Variants in CCDC148 observed in about 807,000 individuals in gnomAD.
CCDC148 encodes the protein coiled-coil domain-containing protein 148.
A neutral mutation model predicts 85.7 loss-of-function variants in CCDC148; 89 were observed. That is an observed-to-expected ratio of 1.04 (90% CI 0.87 to 1.24). CCDC148 has a LOEUF of 1.24. CCDC148 is among the 50% of genes most tolerant of loss of function. The pLI is 0.00. For missense variants in CCDC148, 692 were observed against 671.7 expected (o/e 1.03, Z -0.33); for synonymous variants, 230 against 213.9 (o/e 1.08, Z -0.66).
intron 10 of CCDC148, among the ~76,000 whole-genome samples, chr2:158,240,864 T>C (rs116234259): frequency 0.012 from 1,814 of 152,258 alleles, 30 homozygotes; most frequent in African/African-American, 0.041. Flanking sequence ...ATAAACCCTA[T>C]TGGAGTCAGT....
chr2:158,223,356 A>AGGCCT (rs1444617898), intron 10 of CCDC148, among the ~76,000 whole-genome samples: 2 of 152,200 alleles, frequency 1.3e-5, no homozygotes, highest in Admixed American at 1.3e-4. Context: ...CAGCTCAAGG[A>AGGCCT]GGCCTGTCTG....
chr2:158,415,861 A>G (rs933619859), intron 1 of CCDC148, among the ~76,000 whole-genome samples: 1 of 152,102 alleles, frequency 6.6e-6, no homozygotes, highest in African/African-American at 2.4e-5. Flanking sequence ...CAGCTCCACT[A>G]TGCAGTGCCC....
At chr2:158,274,776 G>T (rs1157244604) in intron 9 of CCDC148, among the ~76,000 whole-genome samples, 1 of 152,200 alleles carries the variant, frequency 6.6e-6, no homozygotes, top group Non-Finnish European at 1.5e-5. Context: ...GATTATTCTG[G>T]TGGCTATTTG....
chr2:158,426,324 G>A (rs1232557933), intron 1 of CCDC148, among the ~76,000 whole-genome samples: 1 of 151,988 alleles, frequency 6.6e-6, no homozygotes, highest in Non-Finnish European at 1.5e-5. Context: ...GCATTCTGAG[G>A]AAGCTGTATT....
At chr2:158,369,026 CT>C (rs1684318995) in intron 1 of CCDC148, among the ~76,000 whole-genome samples, 1 of 151,942 alleles carries the variant, frequency 6.6e-6, no homozygotes, top group South Asian at 2.1e-4. Context: ...AAACTCTAAA[CT>C]GATTATAAAT....
chr2:158,387,270 G>A (rs986269144), intron 1 of CCDC148, among the ~76,000 whole-genome samples: 1 of 139,346 alleles, frequency 7.2e-6, no homozygotes, highest in African/African-American at 2.8e-5. Flanking sequence ...GAAAACACAG[G>A]CCCACACATT....
At chr2:158,380,115 C>G (rs1378982153) in intron 1 of CCDC148, among the ~76,000 whole-genome samples, 1 of 152,070 alleles carries the variant, frequency 6.6e-6, no homozygotes, top group East Asian at 1.9e-4. Flanking sequence ...ATTTTTATAT[C>G]ATTTAACCCA....
chr2:158,349,726 A>G (rs74975406), intron 2 of CCDC148, among the ~76,000 whole-genome samples: 10,818 of 152,124 alleles, frequency 0.071, 536 homozygotes, highest in South Asian at 0.12. Flanking sequence ...CAATATTCCC[A>G]ATGCATCTTC....
At chr2:158,435,010 C>A (rs944054262) in intron 1 of CCDC148, among the ~76,000 whole-genome samples, 3 of 152,144 alleles carry the variant, frequency 2.0e-5, no homozygotes, top group Non-Finnish European at 4.4e-5. Flanking sequence ...ATTGGTGTAC[C>A]TGAAAGTGAC....
At chr2:158,305,897 C>T (rs369753584) in intron 9 of CCDC148, among the ~76,000 whole-genome samples, 1 of 151,992 alleles carries the variant, frequency 6.6e-6, no homozygotes, top group African/African-American at 2.4e-5. Flanking sequence ...AAAACTGTAA[C>T]GTAGCCATGT....
intron 1 of CCDC148, among the ~76,000 whole-genome samples, chr2:158,370,901 A>C (rs1296938013): frequency 6.6e-6 from 1 of 151,896 alleles, no homozygotes; most frequent in Non-Finnish European, 1.5e-5. Flanking sequence ...AATTAAAAAA[A>C]AAAATTGAAC....
intron 8 of CCDC148, among the ~76,000 whole-genome samples, chr2:158,310,165 G>A (rs1691908293): frequency 1.3e-5 from 2 of 152,136 alleles, no homozygotes; most frequent in Non-Finnish European, 2.9e-5. Flanking sequence ...GTTTAACAAA[G>A]CACATCTTGC....
At chr2:158,293,485 C>T (rs755971983) in intron 9 of CCDC148, among the ~76,000 whole-genome samples, 3 of 152,110 alleles carry the variant, frequency 2.0e-5, no homozygotes, top group Non-Finnish European at 4.4e-5. Context: ...ATAGCAAGTG[C>T]AGGTAGGGAG....
Position 158,282,217 on chromosome 2 carries a change from C to T in CCDC148, c.1110+27216G>A, listed in dbSNP as rs536667024. 3.3e-5 allele frequency among the ~76,000 whole-genome samples: 5 copies of T among 152,122 alleles called. No individual in the cohort carries two copies. In the South Asian group the frequency reaches 1.0e-3, roughly 32 times the overall value. On this transcript the variant is annotated intron_variant, in intron 9 of 13. Coordinates refer to ENST00000283233, the MANE Select transcript of CCDC148 (RefSeq NM_138803.4). ...GAAGCATTCCCTTTGAAAACTGGCACAAGACAGGGATGCCCTCTCTCACCA... is the reference window on the plus strand; with the variant it reads ...GAAGCATTCCCTTTGAAAACTGGCATAAGACAGGGATGCCCTCTCTCACCA...
At chr2:158,195,667 G>A (rs1432573236) in intron 11 of CCDC148, among the ~76,000 whole-genome samples, 3 of 152,098 alleles carry the variant, frequency 2.0e-5, no homozygotes, top group Non-Finnish European at 2.9e-5. Flanking sequence ...CATTCTGGCA[G>A]TTTTCTATGG....
At chr2:158,327,127 G>T (rs1481767422) in intron 7 of CCDC148, among the ~76,000 whole-genome samples, 1 of 152,086 alleles carries the variant, frequency 6.6e-6, no homozygotes, top group Non-Finnish European at 1.5e-5. Flanking sequence ...ATAAATCAGT[G>T]TATACATATT....
chr2:158,417,804 A>G (rs557286304), intron 1 of CCDC148, among the ~76,000 whole-genome samples: 1 of 152,312 alleles, frequency 6.6e-6, no homozygotes, highest in South Asian at 2.1e-4. Flanking sequence ...TCAAAGGATT[A>G]GTGGAACCCT....
chr2:158,194,034 A>C (rs1260185889), intron 11 of CCDC148, among the ~76,000 whole-genome samples: 2 of 151,970 alleles, frequency 1.3e-5, no homozygotes, highest in African/African-American at 4.8e-5. Flanking sequence ...AAAAATTTAA[A>C]AAAATTTACA....
intron 10 of CCDC148, among the ~76,000 whole-genome samples, chr2:158,233,716 C>G (rs185086817): frequency 6.6e-6 from 1 of 151,996 alleles, no homozygotes; most frequent in African/African-American, 2.4e-5. Flanking sequence ...GAATGGGGAC[C>G]TGGTACATCT....
Sources: gnomAD v4.1 joint callset for allele counts (sites outside exome capture counted in the v4.1 genomes callset) on GRCh38, gnomAD v4.1.1 for gene constraint, MANE v1.5 for transcripts, NCBI Gene and HGNC (gene_info 2026-07-23, HGNC 2026-07-21) for gene names.